The following KCNN2 variants were observed in gnomAD, a reference collection of about 807,000 sequenced individuals.
KCNN2 encodes the protein potassium calcium-activated channel subfamily N member 2, also known as small conductance calcium-activated potassium channel protein 2.
A neutral mutation model predicts 55.5 loss-of-function variants in KCNN2; 24 were observed. The ratio of observed to expected loss-of-function variants is 0.43; its 90% CI spans 0.31 to 0.61. KCNN2 has a LOEUF of 0.61. Among genes scored for constraint, KCNN2 ranks in the 20% least tolerant of loss-of-function variants. KCNN2 has a pLI of 0.08. For synonymous variants in KCNN2, 431 were observed against 336.1 expected (o/e 1.28, Z -3.09); for missense variants, 754 against 853.6 (o/e 0.88, Z 1.45).
chr5:114,427,077 A>G (rs1412573743), intron 3 of KCNN2, among the ~76,000 whole-genome samples: 3 of 152,108 alleles, frequency 2.0e-5, no homozygotes, highest in Admixed American at 6.5e-5. Flanking sequence ...ACCCACCTGC[A>G]CCTGGAGTCA....
At chr5:114,455,577 C>A (rs757529620) in intron 3 of KCNN2, among the ~76,000 whole-genome samples, 8 of 152,198 alleles carry the variant, frequency 5.3e-5, no homozygotes, top group Non-Finnish European at 1.0e-4. Flanking sequence ...TTGCGTATCT[C>A]TCACTTTCAA....
intron 1 of KCNN2, among the ~76,000 whole-genome samples, chr5:114,163,831 T>C (rs73779725): frequency 6.4e-4 from 97 of 152,346 alleles, no homozygotes; most frequent in African/African-American, 2.3e-3. Context: ...CATACATAAG[T>C]AGCCAGTAAA....
At chr5:114,180,757 C>G (rs1045725367) in intron 1 of KCNN2, among the ~76,000 whole-genome samples, 2 of 152,132 alleles carry the variant, frequency 1.3e-5, no homozygotes, top group African/African-American at 4.8e-5. Context: ...ATAGCCATCA[C>G]TGCAAAAAGT....
At chr5:114,415,035 T>G (rs1207176184) in intron 3 of KCNN2, among the ~76,000 whole-genome samples, 1 of 152,220 alleles carries the variant, frequency 6.6e-6, no homozygotes. Flanking sequence ...TCTCCATAGA[T>G]TTGCCTTTCT....
intron 2 of KCNN2, among the ~76,000 whole-genome samples, chr5:114,394,545 T>C (rs1758560778): frequency 6.6e-6 from 1 of 152,224 alleles, no homozygotes; most frequent in African/African-American, 2.4e-5. Flanking sequence ...CTTGAGACTC[T>C]GGAGTTTGTG....
rs532938646 is a variant in KCNN2, at chr5:114,483,366, C to T, written c.1891-3684C>T. Among the ~76,000 whole-genome samples, 12 of 150,294 alleles carry T rather than the reference C, an allele frequency of 8.0e-5. No individual in the cohort carries two copies. The East Asian group carries it at 2.0e-3, about 25-fold the overall frequency. On this transcript the variant is annotated intron_variant, in intron 5 of 7. Transcript: ENST00000673685. ...CTCGGCTCACTGCAACCTCCACCTC[C>T]TGGGTTCAAGCGATTCTCCTGCCTC...
chr5:114,453,969 T>C (rs184564030), intron 3 of KCNN2, among the ~76,000 whole-genome samples: 2 of 152,234 alleles, frequency 1.3e-5, no homozygotes, highest in Non-Finnish European at 2.9e-5. Context: ...GCTGTCCCTG[T>C]CCTGTCTCAC....
intron 2 of KCNN2, among the ~76,000 whole-genome samples, chr5:114,265,736 G>T (rs1465448324): frequency 6.6e-6 from 1 of 152,152 alleles, no homozygotes; most frequent in Non-Finnish European, 1.5e-5. Flanking sequence ...ATAATGTTTG[G>T]CTGAATGTCT....
At chr5:114,126,999 G>A (rs112201256) in intron 1 of KCNN2, among the ~76,000 whole-genome samples, 18,845 of 152,158 alleles carry the variant, frequency 0.12, 1,365 homozygotes, top group Middle Eastern at 0.2. Context: ...TATCCAGGTC[G>A]CGCTGATGCA....
intron 3 of KCNN2, among the ~76,000 whole-genome samples, chr5:114,435,624 A>G (rs536658002): frequency 6.6e-6 from 1 of 152,230 alleles, no homozygotes; most frequent in African/African-American, 2.4e-5. Flanking sequence ...TTACTCTAAA[A>G]AAAAAAGATG....
chr5:114,065,845 G>GTTTTTTTTT (rs1750434711), intron 1 of KCNN2, among the ~76,000 whole-genome samples: 1 of 95,712 alleles, frequency 1.0e-5, no homozygotes, highest in Admixed American at 1.5e-4. Flanking sequence ...CTCCTATGCA[G>GTTTTTTTTT]GTTTTTTTTT....
intron 2 of KCNN2, among the ~76,000 whole-genome samples, chr5:114,236,643 C>T (rs975943990): frequency 2.0e-5 from 3 of 152,204 alleles, no homozygotes; most frequent in African/African-American, 7.2e-5. Context: ...TGCTGCCCCC[C>T]TTCATCCAGG....
chr5:114,227,059 C>G (rs978592193), intron 2 of KCNN2, among the ~76,000 whole-genome samples: 2 of 152,104 alleles, frequency 1.3e-5, no homozygotes, highest in African/African-American at 4.8e-5. Flanking sequence ...ACCACTCAGT[C>G]CAAAAGACTA....
At chr5:114,487,219 G>C (rs1436232246) in intron 6 of KCNN2, 42 bp downstream of exon 6, 1 of 1,582,018 alleles carries the variant, frequency 6.3e-7, no homozygotes, top group Non-Finnish European at 8.6e-7. Context: ...TTGTGTCCTT[G>C]GCTTTCAATT....
intron 2 of KCNN2, among the ~76,000 whole-genome samples, chr5:114,233,855 C>A (rs1754415688): frequency 6.6e-6 from 1 of 152,090 alleles, no homozygotes; most frequent in Non-Finnish European, 1.5e-5. Context: ...TCTCTGTTCC[C>A]TATCCTCTGT....
At chr5:114,164,453 C>T (rs1580578527) in intron 1 of KCNN2, among the ~76,000 whole-genome samples, 1 of 152,048 alleles carries the variant, frequency 6.6e-6, no homozygotes, top group East Asian at 1.9e-4. Context: ...TTTTTTCATG[C>T]AGTTGGTAAT....
chr5:114,299,542 T>C (rs571221200), intron 2 of KCNN2, among the ~76,000 whole-genome samples: 2 of 152,336 alleles, frequency 1.3e-5, no homozygotes, highest in South Asian at 4.1e-4. Flanking sequence ...ATTCAGTTTC[T>C]TTCTGGGGGG....
At chr5:114,163,154 G>A (rs1014108811) in intron 1 of KCNN2, among the ~76,000 whole-genome samples, 1 of 152,158 alleles carries the variant, frequency 6.6e-6, no homozygotes, top group Non-Finnish European at 1.5e-5. Context: ...CACCCCTGAA[G>A]TTGTTTCTTA....
chr5:114,428,878 T>C (rs1759705072), intron 3 of KCNN2, among the ~76,000 whole-genome samples: 1 of 152,116 alleles, frequency 6.6e-6, no homozygotes, highest in African/African-American at 2.4e-5. Context: ...TTTAAGATTC[T>C]TCCATATCTT....
Sources: allele counts gnomAD v4.1 joint callset (sites outside exome capture counted in the v4.1 genomes callset), GRCh38; gene constraint gnomAD v4.1.1; transcripts MANE v1.5; gene names NCBI Gene and HGNC (gene_info 2026-07-23, HGNC 2026-07-21).